The following WWOX variants were observed in gnomAD, a reference collection of about 807,000 sequenced individuals.
The protein encoded by WWOX is WW domain-containing oxidoreductase.
A neutral mutation model predicts 46.2 loss-of-function variants in WWOX; 69 were observed. The ratio of observed to expected loss-of-function variants is 1.49; its 90% CI spans 1.23 to 1.82. The LOEUF (loss-of-function observed/expected upper bound fraction) is 1.82. WWOX is among the 40% of genes most tolerant of loss of function. The pLI, the probability that WWOX is intolerant of heterozygous loss-of-function variation, is 0.00. For synonymous variants in WWOX, 359 were observed against 202.6 expected, an observed-to-expected ratio of 1.77 and a Z score of -6.56; for missense variants, 919 against 542.6, an observed-to-expected ratio of 1.69 and a Z score of -6.89.
At chr16:78,857,663 C>G (rs1434656264) in intron 8 of WWOX, among the ~76,000 whole-genome samples, 1 of 152,192 alleles carries the variant, frequency 6.6e-6, no homozygotes, top group African/African-American at 2.4e-5. Flanking sequence ...TATAAAATGC[C>G]TCCACCAAGG....
At chr16:78,599,790 C>T (rs1174478607) in intron 8 of WWOX, among the ~76,000 whole-genome samples, 6 of 152,114 alleles carry the variant, frequency 3.9e-5, no homozygotes, top group Non-Finnish European at 7.4e-5. Context: ...GTCTCAGTCT[C>T]TGCACTCTGG....
intron 6 of WWOX, among the ~76,000 whole-genome samples, chr16:78,398,237 G>A (rs2151942155): frequency 6.6e-6 from 1 of 152,190 alleles, no homozygotes; most frequent in East Asian, 1.9e-4. Context: ...TTCCTGCTGT[G>A]GCCCACCCAG....
In WWOX at chr16:78,349,334, G is replaced by T. The variant is rs938516282; in HGVS notation, c.517-37526G>T. On this transcript the variant is annotated intron_variant, in intron 5 of 8. Transcript: ENST00000566780. ...ACCTCCAAATACAGTCACATTCTGA[G>T]GTAGTACGGGTTAGGTCTTCAGCAT... Among the ~76,000 whole-genome samples the T allele has an allele frequency of 5.0e-5, 6 of 120,724 alleles. 1 individual carries two copies. 79.2% of individuals were successfully genotyped at this position (120,724 alleles called of 152,430 possible).
intron 8 of WWOX, among the ~76,000 whole-genome samples, chr16:78,658,820 G>C (rs1050856391): frequency 2.0e-5 from 3 of 151,796 alleles, no homozygotes; most frequent in Non-Finnish European, 2.9e-5. Flanking sequence ...GGCTGGGCAC[G>C]GTGGCTCATG....
In WWOX at chr16:78,785,639, G is replaced by A. The variant is rs80307214; in HGVS notation, c.1056+352887G>A. On this transcript the variant is annotated intron_variant, in intron 8 of 8. Coordinates refer to ENST00000566780, the MANE Select transcript of WWOX (RefSeq NM_016373.4). ...TTACCAAATGCTTCTGATTTTTGCT[G>A]CGCTATTATATCCATTACAAAACCA... Among the ~76,000 whole-genome samples, 109 of 152,254 alleles carry A rather than the reference G, an allele frequency of 7.2e-4. 1 individual carries two copies. In the East Asian group the frequency reaches 0.019, roughly 27 times the overall value.
intron 1 of WWOX, among the ~76,000 whole-genome samples, chr16:78,104,906 C>T (rs1293303238): frequency 6.6e-6 from 1 of 152,212 alleles, no homozygotes; most frequent in Non-Finnish European, 1.5e-5. Context: ...GAAACTGAGG[C>T]ATGGGATTAA....
At chr16:78,725,349 T>C (rs933089773) in intron 8 of WWOX, among the ~76,000 whole-genome samples, 19 of 136,628 alleles carry the variant, frequency 1.4e-4, no homozygotes, top group East Asian at 4.2e-4. Context: ...CTTTTCTTTT[T>C]TTTTTTTTTT....
At chr16:78,296,351 C>G (rs1318172666) in intron 5 of WWOX, among the ~76,000 whole-genome samples, 2 of 151,890 alleles carry the variant, frequency 1.3e-5, no homozygotes, top group African/African-American at 2.4e-5. Flanking sequence ...TTATTGTAAT[C>G]TCCCCTTGCC....
At chr16:78,826,287 A>G (rs1201762838) in intron 8 of WWOX, among the ~76,000 whole-genome samples, 1 of 152,234 alleles carries the variant, frequency 6.6e-6, no homozygotes, top group Non-Finnish European at 1.5e-5. Context: ...TGGAGGTTGC[A>G]GTGAGCCAAG....
chr16:79,061,089 A>C (rs1487812481), intron 8 of WWOX, among the ~76,000 whole-genome samples: 5 of 152,192 alleles, frequency 3.3e-5, no homozygotes, highest in Non-Finnish European at 7.3e-5. Context: ...TGCCCCTTGA[A>C]CGCAAGAGAG....
At chr16:78,605,003 T>A (rs1369476228) in intron 8 of WWOX, among the ~76,000 whole-genome samples, 2 of 119,958 alleles carry the variant, frequency 1.7e-5, no homozygotes, top group South Asian at 6.8e-4. Context: ...ACTCCCTCCT[T>A]CCCTTTTTCC....
intron 8 of WWOX, among the ~76,000 whole-genome samples, chr16:78,771,265 T>C (rs1172239864): frequency 6.6e-6 from 1 of 152,106 alleles, no homozygotes; most frequent in Non-Finnish European, 1.5e-5. Context: ...AAGGGATAGG[T>C]GGTGAAGACT....
chr16:79,184,666 C>G (rs1597455113), intron 8 of WWOX, among the ~76,000 whole-genome samples: 1 of 152,202 alleles, frequency 6.6e-6, no homozygotes, highest in African/African-American at 2.4e-5. Context: ...GTCTCCCACC[C>G]CGTGGTGATT....
chr16:78,638,123 A>T (rs1376054043), intron 8 of WWOX, among the ~76,000 whole-genome samples: 1 of 152,140 alleles, frequency 6.6e-6, no homozygotes, highest in Non-Finnish European at 1.5e-5. Context: ...TAACTGCCCA[A>T]TATCAGGCAC....
chr16:79,048,775 C>T (rs1343347679), intron 8 of WWOX, among the ~76,000 whole-genome samples: 1 of 152,188 alleles, frequency 6.6e-6, no homozygotes, highest in East Asian at 1.9e-4. Flanking sequence ...AGGCAGGAGC[C>T]TCGTTACCAC....
chr16:79,100,825 G>A (rs1307615451), intron 8 of WWOX, among the ~76,000 whole-genome samples: 3 of 151,982 alleles, frequency 2.0e-5, no homozygotes, highest in African/African-American at 2.4e-5. Flanking sequence ...TCCCCGTGGA[G>A]CACACGAGAT....
intron 8 of WWOX, among the ~76,000 whole-genome samples, chr16:78,573,711 A>G (rs1415898776): frequency 1.3e-5 from 2 of 152,236 alleles, no homozygotes; most frequent in Admixed American, 6.5e-5. Flanking sequence ...GCACTGAACC[A>G]TAATCCAAAG....
At chr16:78,337,656 G>A (rs192957907) in intron 5 of WWOX, among the ~76,000 whole-genome samples, 1 of 152,274 alleles carries the variant, frequency 6.6e-6, no homozygotes, top group African/African-American at 2.4e-5. Flanking sequence ...GTTATTAAAA[G>A]TACTATCTGG....
At chr16:78,405,098 T>C (rs775605595) in intron 6 of WWOX, among the ~76,000 whole-genome samples, 1 of 152,150 alleles carries the variant, frequency 6.6e-6, no homozygotes, top group South Asian at 2.1e-4. Context: ...TGGGAAAATA[T>C]AATCAAGGTA....
Sources: allele counts gnomAD v4.1 joint callset (sites outside exome capture counted in the v4.1 genomes callset), GRCh38; gene constraint gnomAD v4.1.1; transcripts MANE v1.5; gene names NCBI Gene and HGNC (gene_info 2026-07-23, HGNC 2026-07-21).